KCNH7: variants seen among roughly 807,000 people sequenced by gnomAD.
KCNH7 encodes the protein potassium voltage-gated channel subfamily H member 7, also known as voltage-gated inwardly rectifying potassium channel KCNH7.
A neutral mutation model predicts 120.8 loss-of-function variants in KCNH7; 49 were observed. The ratio of observed to expected loss-of-function variants is 0.41; its 90% CI spans 0.32 to 0.51. The LOEUF (loss-of-function observed/expected upper bound fraction) is 0.51, where lower values mean the gene tolerates loss of function less well. Ranked by LOEUF, KCNH7 falls within the 20% of genes least tolerant of loss-of-function variation. KCNH7 has a pLI of 0.38. For missense variants in KCNH7, 1,097 were observed against 1,446.6 expected, an observed-to-expected ratio of 0.76 and a Z score of 3.92; for synonymous variants, 547 against 516.1, an observed-to-expected ratio of 1.06 and a Z score of -0.81.
At chr2:162,703,755 G>A (rs553231387) in intron 2 of KCNH7, among the ~76,000 whole-genome samples, 10 of 152,088 alleles carry the variant, frequency 6.6e-5, no homozygotes, top group South Asian at 6.2e-4. Flanking sequence ...TTTTCTAGAC[G>A]GGCATCCCCT....
chr2:162,707,157 A>T (rs1324827637), intron 2 of KCNH7, among the ~76,000 whole-genome samples: 2 of 152,172 alleles, frequency 1.3e-5, no homozygotes, highest in Non-Finnish European at 2.9e-5. Flanking sequence ...ACTATAAAGC[A>T]TCTAATTGAT....
intron 9 of KCNH7, among the ~76,000 whole-genome samples, chr2:162,419,413 A>G (rs1687635823): frequency 6.6e-6 from 1 of 152,022 alleles, no homozygotes; most frequent in South Asian, 2.1e-4. Flanking sequence ...AGCTCCCATA[A>G]TAACGTTTCT....
intron 2 of KCNH7, among the ~76,000 whole-genome samples, chr2:162,680,549 C>A (rs1322905907): frequency 1.3e-5 from 2 of 151,656 alleles, no homozygotes; most frequent in East Asian, 3.9e-4. Flanking sequence ...TAGATATAGA[C>A]TCAGTTCCAG....
intron 2 of KCNH7, among the ~76,000 whole-genome samples, chr2:162,575,771 A>G (rs1693649419): frequency 6.6e-6 from 1 of 152,056 alleles, no homozygotes; most frequent in African/African-American, 2.4e-5. Flanking sequence ...AACCAGAAAA[A>G]CTATAATTGC....
rs60854157 is a variant in KCNH7, at chr2:162,429,383, C to CTTTTTTTTTTTTTTTTTTTTTTT, written c.1954+5814_1954+5815insAAAAAAAAAAAAAAAAAAAAAAA. ...AGACATTTAGAAATGAGGAAAAAGT[C>CTTTTTTTTTTTTTTTTTTTTTTT]TTTTTTTTTTTTTTTTTTTTTTACT... On this transcript the variant is annotated intron_variant, in intron 8 of 15. Transcript: ENST00000332142. Among the ~76,000 whole-genome samples the CTTTTTTTTTTTTTTTTTTTTTTT allele has an allele frequency of 1.1e-3, 96 of 86,230 alleles. 13 individuals are homozygous for CTTTTTTTTTTTTTTTTTTTTTTT. Among genetic ancestry groups the CTTTTTTTTTTTTTTTTTTTTTTT allele is most frequent in the African/African-American group, 4.4e-3 (71 of 15,972 alleles). The allele number at this position is 86,230 out of a possible 152,430, so 56.6% of individuals were successfully genotyped here.
intron 2 of KCNH7, among the ~76,000 whole-genome samples, chr2:162,570,691 G>A (rs1693439831): frequency 6.6e-6 from 1 of 151,982 alleles, no homozygotes. Flanking sequence ...TCCATGTTTA[G>A]TGCTTCCTTC....
chr2:162,706,961 T>C (rs73974050), intron 2 of KCNH7, among the ~76,000 whole-genome samples: 13,677 of 152,080 alleles, frequency 0.09, 1,890 homozygotes, highest in African/African-American at 0.3. Context: ...AGCCAAGGGC[T>C]ATCTCCGGTT....
chr2:162,670,015 A>T (rs924143023), intron 2 of KCNH7, among the ~76,000 whole-genome samples: 1 of 151,576 alleles, frequency 6.6e-6, no homozygotes, highest in Admixed American at 6.6e-5. Flanking sequence ...CAGGAGAATC[A>T]CTTGAACCCA....
intron 6 of KCNH7, among the ~76,000 whole-genome samples, chr2:162,448,631 T>C (rs2105564056): frequency 6.6e-6 from 1 of 152,202 alleles, no homozygotes; most frequent in Admixed American, 6.6e-5. Context: ...GATACTAACC[T>C]CCCACATGGG....
In KCNH7 at chr2:162,792,179, G is replaced by T. The variant is rs1224815259; in HGVS notation, c.307+44358C>A. ...AGCTTTTTGATGTGCTGCTGGATTT[G>T]GTTTGCCAGTATTTTGTTGAGGATT... On this transcript the variant is annotated intron_variant, in intron 2 of 15. Coordinates refer to ENST00000332142, the MANE Select transcript of KCNH7 (RefSeq NM_033272.4). Among the ~76,000 whole-genome samples the T allele has an allele frequency of 2.0e-5, 3 of 152,052 alleles. No homozygotes were observed. The East Asian group carries it at 5.8e-4, about 29-fold the overall frequency.
chr2:162,532,953 T>C (rs921419504), intron 3 of KCNH7, among the ~76,000 whole-genome samples: 3 of 151,560 alleles, frequency 2.0e-5, no homozygotes, highest in African/African-American at 4.8e-5. Context: ...CCTTAAGAAA[T>C]AGAATATTGT....
chr2:162,813,599 T>G (rs1684810332), intron 2 of KCNH7, among the ~76,000 whole-genome samples: 1 of 152,236 alleles, frequency 6.6e-6, no homozygotes, highest in Non-Finnish European at 1.5e-5. Flanking sequence ...TATCAACCAC[T>G]GTTCACACAG....
At chr2:162,460,988 G>A (rs1689128861) in intron 6 of KCNH7, among the ~76,000 whole-genome samples, 1 of 152,170 alleles carries the variant, frequency 6.6e-6, no homozygotes, top group Admixed American at 6.5e-5. Flanking sequence ...AAAGGTATGT[G>A]TGGATGTTTT....
intron 2 of KCNH7, chr2:162,785,252 T>C (rs920579536): frequency 5.9e-5 from 9 of 152,228 alleles, no homozygotes; most frequent in African/African-American, 2.2e-4. Context: ...TATTAGCTTG[T>C]CATCAAACAG....
chr2:162,552,874 G>A (rs1043598405), intron 2 of KCNH7, among the ~76,000 whole-genome samples: 1 of 152,134 alleles, frequency 6.6e-6, no homozygotes, highest in Non-Finnish European at 1.5e-5. Flanking sequence ...AAGAGGACCC[G>A]AGTCCAGATG....
At chr2:162,590,144 A>G (rs1034407693) in intron 2 of KCNH7, among the ~76,000 whole-genome samples, 20 of 152,202 alleles carry the variant, frequency 1.3e-4, no homozygotes, top group African/African-American at 4.8e-4. Context: ...AGAATACAGA[A>G]GCTGGAAAAT....
intron 2 of KCNH7, among the ~76,000 whole-genome samples, chr2:162,820,836 T>G (rs1685095520): frequency 6.6e-6 from 1 of 152,206 alleles, no homozygotes; most frequent in Non-Finnish European, 1.5e-5. Flanking sequence ...ACTTTTCTCT[T>G]GAAATTTGAA....
At chr2:162,537,567 A>G (rs904267268) in intron 2 of KCNH7, among the ~76,000 whole-genome samples, 3 of 152,050 alleles carry the variant, frequency 2.0e-5, no homozygotes, top group African/African-American at 4.8e-5. Flanking sequence ...TATTGACTCT[A>G]TCTTATATAT....
chr2:162,461,439 A>G (rs1015491203), intron 6 of KCNH7, among the ~76,000 whole-genome samples: 5 of 152,200 alleles, frequency 3.3e-5, no homozygotes, highest in Non-Finnish European at 5.9e-5. Flanking sequence ...TAAATACCCA[A>G]TAAGTGATGA....
Sources: allele counts gnomAD v4.1 joint callset (sites outside exome capture counted in the v4.1 genomes callset), GRCh38; gene constraint gnomAD v4.1.1; transcripts MANE v1.5; gene names NCBI Gene and HGNC (gene_info 2026-07-23, HGNC 2026-07-21).